The following TAFA1 variants were observed in gnomAD, a reference collection of about 807,000 sequenced individuals.
The protein encoded by TAFA1 is TAFA chemokine like family member 1, also known as chemokine-like protein TAFA-1.
TAFA1 carries 4 observed loss-of-function variants against 18.5 expected under a neutral mutation model. That is an observed-to-expected ratio of 0.22 (90% CI 0.11 to 0.49). TAFA1 has a LOEUF of 0.49. TAFA1 is among the 20% of genes least tolerant of loss of function. The pLI, the probability that TAFA1 is intolerant of heterozygous loss-of-function variation, is 0.98. For missense variants in TAFA1, 147 were observed against 169.0 expected (o/e 0.87, Z 0.72); for synonymous variants, 56 against 55.2 (o/e 1.01, Z -0.06).
intron 2 of TAFA1, among the ~76,000 whole-genome samples, chr3:68,385,568 A>C (rs2070081214): frequency 1.3e-5 from 2 of 152,046 alleles, no homozygotes; most frequent in Middle Eastern, 3.2e-3. Context: ...TGTTATAAAG[A>C]CTGAATAAAT....
chr3:68,333,323 A>G (rs2068913200), intron 2 of TAFA1, among the ~76,000 whole-genome samples: 1 of 152,226 alleles, frequency 6.6e-6, no homozygotes, highest in South Asian at 2.1e-4. Flanking sequence ...TAGTGAGATG[A>G]TATCCTTTGC....
chr3:68,045,001 G>T (rs1301918031), intron 2 of TAFA1, among the ~76,000 whole-genome samples: 1 of 152,164 alleles, frequency 6.6e-6, no homozygotes, highest in African/African-American at 2.4e-5. Context: ...TTCTTTTTCT[G>T]CAGGCCTCTG....
At chr3:68,127,467 G>A (rs1401975301) in intron 2 of TAFA1, among the ~76,000 whole-genome samples, 1 of 151,812 alleles carries the variant, frequency 6.6e-6, no homozygotes, top group Non-Finnish European at 1.5e-5. Flanking sequence ...TTATAATGTT[G>A]TATAATACAT....
intron 2 of TAFA1, among the ~76,000 whole-genome samples, chr3:68,283,428 A>G (rs2067937876): frequency 6.6e-6 from 1 of 152,234 alleles, no homozygotes; most frequent in South Asian, 2.1e-4. Context: ...AGATTTTTAA[A>G]GTAATTTATG....
chr3:68,506,096 G>A (rs1912458), intron 3 of TAFA1, among the ~76,000 whole-genome samples: 30,141 of 151,578 alleles, frequency 0.2, 3,798 homozygotes, highest in East Asian at 0.43. Context: ...GTGTCCATGT[G>A]TTCTCATTTT....
chr3:68,338,162 G>GC (rs2069008763), intron 2 of TAFA1, among the ~76,000 whole-genome samples: 1 of 152,154 alleles, frequency 6.6e-6, no homozygotes, highest in African/African-American at 2.4e-5. Flanking sequence ...CTTGGATGAG[G>GC]CCATGCTTTA....
chr3:68,315,223 G>C (rs2068587393), intron 2 of TAFA1, among the ~76,000 whole-genome samples: 1 of 152,114 alleles, frequency 6.6e-6, no homozygotes, highest in East Asian at 1.9e-4. Context: ...ATGGACAAAA[G>C]AGGAAAGTTA....
chr3:68,389,825 C>T (rs2070188511), intron 2 of TAFA1, among the ~76,000 whole-genome samples: 1 of 152,126 alleles, frequency 6.6e-6, no homozygotes, highest in Non-Finnish European at 1.5e-5. Flanking sequence ...ATGGTGCTAT[C>T]CGGCCCAGAT....
rs143433347 is a variant in TAFA1 at position 68,009,503 on chromosome 3, G to A, written c.118+2759G>A. ...AAATACCCCAAGAAACTGCAGCACT[G>A]AAACCAATTTTGACCCCAAGTGCTA... is the stretch of plus-strand genomic sequence containing the variant. On this transcript the variant is annotated intron_variant, in intron 2 of 4. Transcript: ENST00000478136. Among the ~76,000 whole-genome samples, 847 of 152,280 alleles carry A rather than the reference G, an allele frequency of 5.6e-3. 9 individuals are homozygous for A. Among genetic ancestry groups the A allele is most frequent in the African/African-American group, 0.02 (813 of 41,538 alleles).
chr3:68,260,854 G>A (rs995511988), intron 2 of TAFA1, among the ~76,000 whole-genome samples: 15 of 152,052 alleles, frequency 9.9e-5, no homozygotes, highest in African/African-American at 2.9e-4. Context: ...CAGGACATAG[G>A]CATGGGCAAG....
chr3:68,542,326 G>C lies in TAFA1; in HGVS notation c.385-2160G>C, dbSNP rs145643707. The stretch of plus-strand genomic sequence containing the variant: ...CGTCTGCTTGATCATTGCTTCAATT[G>C]CTTTATTAAATAGCTTTGTTGGTAC... On this transcript the variant is annotated intron_variant, in intron 4 of 4. Transcript: ENST00000478136. Among the ~76,000 whole-genome samples the C allele has an allele frequency of 2.1e-3, 325 of 152,190 alleles. 1 individual carries two copies. The highest frequency in any genetic ancestry group is 3.7e-3 in the Admixed American group (56 of 15,262).
intron 3 of TAFA1, among the ~76,000 whole-genome samples, chr3:68,445,955 G>A (rs1239822371): frequency 1.3e-5 from 2 of 152,158 alleles, no homozygotes; most frequent in Non-Finnish European, 2.9e-5. Flanking sequence ...AGGCTGGAAT[G>A]CAGTGGTACA....
intron 2 of TAFA1, among the ~76,000 whole-genome samples, chr3:68,259,429 T>G (rs2067365394): frequency 6.6e-6 from 1 of 152,230 alleles, no homozygotes; most frequent in African/African-American, 2.4e-5. Context: ...GGCTCTTTTT[T>G]GGTTCCAGAT....
At chr3:68,337,052 T>A (rs1244751984) in intron 2 of TAFA1, among the ~76,000 whole-genome samples, 1 of 152,118 alleles carries the variant, frequency 6.6e-6, no homozygotes, top group Non-Finnish European at 1.5e-5. Flanking sequence ...TTAGTTGGAG[T>A]ATTACCCCCT....
At chr3:68,102,723 C>A (rs1281197369) in intron 2 of TAFA1, among the ~76,000 whole-genome samples, 2 of 152,216 alleles carry the variant, frequency 1.3e-5, no homozygotes, top group African/African-American at 4.8e-5. Flanking sequence ...GGCCAGGAGG[C>A]AAGTTATATA....
rs150303168 is a variant in TAFA1 at position 68,420,595 on chromosome 3, A to G, written c.259+3175A>G. Among the ~76,000 whole-genome samples the G allele has an allele frequency of 1.1e-4, 17 of 152,204 alleles. No individual in the cohort carries two copies. The East Asian group carries it at 3.1e-3, about 28-fold the overall frequency. On this transcript the variant is annotated intron_variant, in intron 3 of 4. Coordinates refer to ENST00000478136, the MANE Select transcript of TAFA1 (RefSeq NM_213609.4). ...CTGGGACTAGTTCTCAACTGGGGCA[A>G]TTTCTCCCAGGGATCATTTGGTAAT...
chr3:68,444,957 A>C (rs989868871), intron 3 of TAFA1, among the ~76,000 whole-genome samples: 2 of 151,862 alleles, frequency 1.3e-5, no homozygotes, highest in African/African-American at 4.8e-5. Flanking sequence ...TACTTACTTC[A>C]CAGGATTGTT....
intron 2 of TAFA1, among the ~76,000 whole-genome samples, chr3:68,126,220 A>G (rs1247077731): frequency 6.6e-6 from 1 of 152,158 alleles, no homozygotes; most frequent in East Asian, 1.9e-4. Context: ...GTCCTGTTCC[A>G]TGCTGCCTCC....
intron 2 of TAFA1, among the ~76,000 whole-genome samples, chr3:68,369,857 C>G (rs963856861): frequency 6.6e-6 from 1 of 152,122 alleles, no homozygotes; most frequent in Non-Finnish European, 1.5e-5. Context: ...AAGTGCCACA[C>G]CTTCAAAACA....
Sources: gnomAD v4.1 joint callset for allele counts (sites outside exome capture counted in the v4.1 genomes callset) on GRCh38, gnomAD v4.1.1 for gene constraint, MANE v1.5 for transcripts, NCBI Gene and HGNC (gene_info 2026-07-23, HGNC 2026-07-21) for gene names.